The following SCN11A variants were observed in gnomAD, a reference collection of about 807,000 sequenced individuals.
SCN11A encodes sodium channel protein type 11 subunit alpha.
Under a neutral mutation model 162.2 loss-of-function variants are expected in SCN11A, and 122 were observed. The observed-to-expected ratio is 0.75, with a 90% CI of 0.65 to 0.87. The LOEUF is 0.87. Ranked by LOEUF, SCN11A falls within the 40% of genes least tolerant of loss-of-function variation. SCN11A has a pLI of 0.00. For missense variants in SCN11A, 2,015 were observed against 2,181.6 expected, an observed-to-expected ratio of 0.92 and a Z score of 1.52; for synonymous variants, 758 against 751.5, an observed-to-expected ratio of 1.01 and a Z score of -0.14.
In SCN11A at chr3:38,847,111, C is replaced by A. The variant is rs200287177; in HGVS notation, c.4959G>T (p.Leu1653Phe). The change falls in exon 30 of 30, where the codon TTG (leucine) becomes TTT (phenylalanine). Residue 1653 changes from leucine (L) to phenylalanine (F), a missense_variant. Leu to Phe is a conservative substitution (Grantham distance 22, BLOSUM62 0). Transcript: ENST00000302328. Reference protein sequence around the residue: ...YSALSDFADALPEPLRVAKPN... With the variant: ...YSALSDFADAFPEPLRVAKPN... ...GCTTTGCGACACGCAAAGGCTCAGG[C>A]AAGGCATCAGCAAAGTCAGAAAGGG... 8.1e-6 allele frequency: 13 copies of A among 1,614,172 alleles called. No individual in the cohort carries two copies. The highest frequency in any genetic ancestry group is 1.1e-5 in the Non-Finnish European group (13 of 1,180,036).
chr3:38,936,701 G>A lies in SCN11A; in HGVS notation c.488+8710C>T, dbSNP rs1311597253. Among the ~76,000 whole-genome samples the A allele has an allele frequency of 4.8e-3, 721 of 151,428 alleles. 2 individuals are homozygous for A. The highest frequency in any genetic ancestry group is 6.8e-3 in the Middle Eastern group (2 of 294). On this transcript the variant is annotated intron_variant, in intron 7 of 29. Coordinates refer to ENST00000302328, the MANE Select transcript of SCN11A (RefSeq NM_001349253.2). The stretch of plus-strand genomic sequence containing the variant: ...ACCTCTTCAAGGAGAACTACAAACC[G>A]CTGCTCAATGAAATAAAAGAGGATA...
At chr3:38,907,858 T>C (rs2065823565) in intron 14 of SCN11A, 91 bp downstream of exon 14, 1 of 1,114,980 alleles carries the variant, frequency 9.0e-7, no homozygotes, top group South Asian at 1.6e-5. Flanking sequence ...AATGAGTAAC[T>C]GAATAAATGA....
At chr3:38,895,041 T>C in intron 18 of SCN11A, 77 bp from the exon 19 acceptor site, 2 of 1,350,420 alleles carry the variant, frequency 1.5e-6, no homozygotes, top group Non-Finnish European at 2.0e-6. Context: ...AGGACAACTT[T>C]TCCCCAAGAC....
At chr3:38,956,957 A>G (rs1255716414) in intron 3 of SCN11A, among the ~76,000 whole-genome samples, 1 of 152,182 alleles carries the variant, frequency 6.6e-6, no homozygotes, top group Non-Finnish European at 1.5e-5. Context: ...TTAAATACAG[A>G]TAACAAAAAC....
intron 5 of SCN11A, among the ~76,000 whole-genome samples, chr3:38,948,139 G>A (rs914831375): frequency 1.3e-5 from 2 of 152,158 alleles, no homozygotes; most frequent in Non-Finnish European, 2.9e-5. Context: ...AATGAGCCAC[G>A]GGGTTTTTTA....
intron 7 of SCN11A, among the ~76,000 whole-genome samples, chr3:38,929,129 GTGCA>G (rs1409655303): frequency 0.011 from 220 of 20,300 alleles, 2 homozygotes; most frequent in African/African-American, 0.022. Context: ...TACTGGGTCT[GTGCA>G]CGCACACACA....
chr3:39,038,891 A>G (rs527770668), intron 1 of SCN11A, among the ~76,000 whole-genome samples: 3 of 152,334 alleles, frequency 2.0e-5, no homozygotes, highest in African/African-American at 7.2e-5. Flanking sequence ...TCTTCCCCTG[A>G]TCATAAGGCC....
In SCN11A at chr3:38,867,677, C is replaced by T. The variant is rs35486656; in HGVS notation, c.3814-219G>A. ...GCGGGGACCTGGGGTGATGGAAAAT[C>T]GGGCTTTTTATTCTAAGCAAAGGAG... On this transcript the variant is annotated intron_variant, in intron 26 of 29. Transcript: ENST00000302328. 2.6e-5 allele frequency among the ~76,000 whole-genome samples: 4 copies of T among 152,054 alleles called. No homozygotes were observed. In the East Asian group the frequency reaches 7.7e-4, roughly 29 times the overall value.
chr3:38,933,803 G>T (rs1045021427), intron 7 of SCN11A, among the ~76,000 whole-genome samples: 25 of 152,300 alleles, frequency 1.6e-4, no homozygotes, highest in Admixed American at 1.6e-3. Context: ...ACACTCTGCA[G>T]GATATTATCC....
At chr3:39,022,338 T>C (rs953831143) in intron 2 of SCN11A, among the ~76,000 whole-genome samples, 2 of 152,226 alleles carry the variant, frequency 1.3e-5, no homozygotes, top group African/African-American at 4.8e-5. Context: ...CATAAATTTC[T>C]GCTCCCTTTG....
intron 2 of SCN11A, among the ~76,000 whole-genome samples, chr3:39,018,138 G>C (rs572464187): frequency 1.3e-5 from 2 of 152,202 alleles, no homozygotes; most frequent in Non-Finnish European, 2.9e-5. Flanking sequence ...GGTGAAATTG[G>C]GCCACTATTC....
At chr3:38,887,113 A>G (rs1479533670) in intron 19 of SCN11A, among the ~76,000 whole-genome samples, 2 of 152,038 alleles carry the variant, frequency 1.3e-5, no homozygotes, top group African/African-American at 4.8e-5. Flanking sequence ...AGTACACGCC[A>G]TGTTCTTTTA....
chr3:39,014,257 G>A (rs1216635804), intron 2 of SCN11A, among the ~76,000 whole-genome samples: 2 of 152,196 alleles, frequency 1.3e-5, no homozygotes, highest in African/African-American at 4.8e-5. Flanking sequence ...AGTCCTCATT[G>A]AGTAGAAATG....
chr3:39,010,063 G>A (rs562246539), intron 2 of SCN11A, among the ~76,000 whole-genome samples: 30 of 151,958 alleles, frequency 2.0e-4, no homozygotes. Context: ...AGATAGTAGG[G>A]GCAAGTCTAG....
At chr3:38,944,105 C>T (rs2066480519) in intron 7 of SCN11A, among the ~76,000 whole-genome samples, 1 of 151,906 alleles carries the variant, frequency 6.6e-6, no homozygotes, top group South Asian at 2.1e-4. Flanking sequence ...TATTATGTGT[C>T]AATTAAAATT....
intron 2 of SCN11A, among the ~76,000 whole-genome samples, chr3:39,029,484 C>T (rs540523802): frequency 1.3e-5 from 2 of 152,282 alleles, no homozygotes; most frequent in East Asian, 3.9e-4. Flanking sequence ...AATTGGCTCA[C>T]TGTCATGTGT....
rs764405549 is a variant in SCN11A, at chr3:38,846,976, A to G, written c.5094T>C (p.Asp1698=). 3 of 1,614,214 alleles carry G rather than the reference A, an allele frequency of 1.9e-6. No individual in the cohort carries two copies. Among genetic ancestry groups the G allele is most frequent in the Non-Finnish European group, 1.7e-6 (2 of 1,180,042 alleles). ...TCATTGCTTTCATACTATCTAGGCC[A>G]TCAGAGCCACCGAGTACCCTAGCGG... ...AFTARVLGGS[D]GLDSMKAMME... is the part of the protein sequence containing the mutation. Residue 1698 remains aspartate (D), a synonymous_variant, in exon 30 of 30, where the codon GAT becomes GAC. Coordinates refer to ENST00000302328, the MANE Select transcript of SCN11A (RefSeq NM_001349253.2).
At chr3:38,990,140 G>C (rs2030406415) in intron 2 of SCN11A, among the ~76,000 whole-genome samples, 1 of 152,184 alleles carries the variant, frequency 6.6e-6, no homozygotes, top group African/African-American at 2.4e-5. Context: ...GTGCTGCCGA[G>C]AGTTTCTAAA....
intron 7 of SCN11A, among the ~76,000 whole-genome samples, chr3:38,944,956 C>G (rs1388078664): frequency 6.8e-6 from 1 of 147,696 alleles, no homozygotes; most frequent in Non-Finnish European, 1.5e-5. Flanking sequence ...AGAGCAAAAC[C>G]CTGTCTCAAA....
Sources: allele counts gnomAD v4.1 joint callset (sites outside exome capture counted in the v4.1 genomes callset), GRCh38; gene constraint gnomAD v4.1.1; transcripts MANE v1.5; gene names NCBI Gene and HGNC (gene_info 2026-07-23, HGNC 2026-07-21).